The following RPS25 variants were observed in gnomAD, a reference collection of about 807,000 sequenced individuals.
RPS25 encodes small ribosomal subunit protein eS25.
In RPS25, 1 loss-of-function variant was observed where a neutral mutation model predicts 14.4. The observed-to-expected ratio is 0.07, with a 90% CI of 0.02 to 0.33. The LOEUF (loss-of-function observed/expected upper bound fraction) is 0.33, where lower values mean the gene tolerates loss of function less well. Among genes scored for constraint, RPS25 ranks in the 10% least tolerant of loss-of-function variants. The probability of loss-of-function intolerance (pLI) is 1.00; values close to 1 mark genes in which losing one functional copy is unlikely to be tolerated. For missense variants in RPS25, 65 were observed against 144.6 expected (o/e 0.45, Z 2.82); for synonymous variants, 63 against 53.8 (o/e 1.17, Z -0.75).
rs1362116569 is a variant in RPS25, at chr11:119,018,332, T to C, written c.-48A>G. 7.4e-6 allele frequency: 12 copies of C among 1,613,734 alleles called. No homozygotes were observed. In the East Asian group the frequency reaches 2.7e-4, roughly 36 times the overall value. ...CAGACACCGCAGCCTCGTCAAGATG[T>C]CGGACAAAAAGGAAGCGCTGCTCAG... is the stretch of plus-strand genomic sequence containing the variant. On this transcript the variant is annotated 5_prime_UTR_variant, in exon 1 of 5. Transcript: ENST00000527673.
rs11820851 is a variant in RPS25, at chr11:119,018,324, T to A, written c.-40A>T. The A allele has an allele frequency of 6.2e-6, 10 of 1,613,894 alleles. No individual in the cohort carries two copies. In the African/African-American group the frequency reaches 1.3e-4, roughly 22 times the overall value. On this transcript the variant is annotated 5_prime_UTR_variant, in exon 1 of 5. Coordinates refer to ENST00000527673, the MANE Select transcript of RPS25 (RefSeq NM_001028.3). ...AATAGCAGCAGACACCGCAGCCTCG[T>A]CAAGATGTCGGACAAAAAGGAAGCG...
intron 1 of RPS25, 106 bp downstream of exon 1, chr11:119,018,176 G>A: frequency 6.3e-7 from 1 of 1,585,648 alleles, no homozygotes. Flanking sequence ...AACCGCGCCC[G>A]CCCTGCAACC....
chr11:119,016,069 C>T, intron 3 of RPS25, 130 bp from the exon 4 acceptor site: 3 of 608,520 alleles, frequency 4.9e-6, no homozygotes, highest in Non-Finnish European at 9.1e-6. Context: ...GGGCAGATAG[C>T]TTGAGGTAAG....
intron 2 of RPS25, 178 bp from the exon 3 acceptor site, chr11:119,017,723 G>GC: frequency 1.4e-6 from 1 of 694,678 alleles, no homozygotes; most frequent in Non-Finnish European, 2.4e-6. Flanking sequence ...CAGGGGCCGA[G>GC]CCCCACTAGA....
At chr11:119,015,794 G>A (rs782333917) in intron 4 of RPS25, 36 bp from the exon 5 acceptor site, 4 of 1,376,348 alleles carry the variant, frequency 2.9e-6, no homozygotes, top group Non-Finnish European at 4.1e-6. Flanking sequence ...GAACCATAAA[G>A]CTTTGTATCT....
In RPS25 at chr11:119,018,303, G is replaced by C. The variant is rs201239074; in HGVS notation, c.-19C>G. The C allele has an allele frequency of 3.2e-4, 513 of 1,614,022 alleles. No homozygotes were observed. The highest frequency in any genetic ancestry group is 4.2e-4 in the Non-Finnish European group (498 of 1,180,026). Reference sequence around the variant, plus strand: ...TTACCATTGCGAAGCTCGGAGAATAGCAGCAGACACCGCAGCCTCGTCAAG... The same window carrying C: ...TTACCATTGCGAAGCTCGGAGAATACCAGCAGACACCGCAGCCTCGTCAAG... On this transcript the variant is annotated 5_prime_UTR_variant, in exon 1 of 5. Transcript: ENST00000527673.
chr11:119,015,832 C>G lies in RPS25; in HGVS notation c.*4+9G>C, dbSNP rs1943142391. ...CTCCTACACCATGAGCCCACACATT[C>G]CTACTCACCTATTCATGCATCTTCA... On this transcript the variant is annotated intron_variant, in intron 4 of 4. Transcript: ENST00000527673. 2 of 1,559,092 alleles carry G rather than the reference C, an allele frequency of 1.3e-6. No homozygotes were observed. The highest frequency in any genetic ancestry group is 1.4e-5 in the African/African-American group (1 of 73,728).
At chr11:119,017,313 T>C in intron 3 of RPS25, 49 bp downstream of exon 3, 1 of 1,397,276 alleles carries the variant, frequency 7.2e-7, no homozygotes, top group Non-Finnish European at 9.8e-7. Flanking sequence ...CTTAACATGG[T>C]CAAGACAATT....
intron 3 of RPS25, 99 bp downstream of exon 3, chr11:119,017,258 CTTTTT>C (rs368289484): frequency 4.7e-5 from 33 of 701,472 alleles, no homozygotes; most frequent in Admixed American, 1.1e-4. Flanking sequence ...TCAAGCCACG[CTTTTT>C]TTTTTTAATT....
chr11:119,015,942 A>C lies in RPS25; in HGVS notation c.284-3T>G, dbSNP rs375501027. ...CTTTGAAACCAGTTTGATAAGTCCT[A>C]GGGGGAGAGAATAGCACGATGAGAT... On this transcript the variant is annotated splice_region_variant and splice_polypyrimidine_tract_variant and intron_variant, in intron 3 of 4. Coordinates refer to ENST00000527673, the MANE Select transcript of RPS25 (RefSeq NM_001028.3). The C allele has an allele frequency of 1.2e-5, 19 of 1,565,424 alleles. No homozygotes were observed. Among genetic ancestry groups the C allele is most frequent in the Non-Finnish European group, 1.3e-5 (15 of 1,136,080 alleles).
Position 119,017,992 on chromosome 11 carries a change from G to A in RPS25, c.65C>T (p.Pro22Leu), listed in dbSNP as rs782814475. The A allele has an allele frequency of 6.2e-6, 10 of 1,612,372 alleles. No individual in the cohort carries two copies. The highest frequency in any genetic ancestry group is 2.1e-4 in the Middle Eastern group (1 of 4,668). The change falls in exon 2 of 5, where the codon CCA becomes CTA. Residue 22 changes from proline (P) to leucine (L), a missense_variant. Coordinates refer to ENST00000527673, the MANE Select transcript of RPS25 (RefSeq NM_001028.3). ...AGKSAKKDKD[P>L]VNKSGGKAKK... ...GGCCTTGCCCCCGGATTTGTTCACT[G>A]GGTCTTTGTCTTTCTTGGCCGACTT...
rs7131534 is a variant in RPS25, at chr11:119,015,946, G to A, written c.284-7C>T. The A allele has an allele frequency of 0.24, 366,158 of 1,540,332 alleles. 46,024 individuals carry two copies. Among genetic ancestry groups the A allele is most frequent in the African/African-American group, 0.43 (31,655 of 73,386 alleles). ...GAAACCAGTTTGATAAGTCCTAGGG[G>A]GAGAGAATAGCACGATGAGATGCTT... On this transcript the variant is annotated splice_region_variant and splice_polypyrimidine_tract_variant and intron_variant, in intron 3 of 4. Transcript: ENST00000527673.
chr11:119,016,710 C>G (rs1004952670), intron 3 of RPS25, among the ~76,000 whole-genome samples: 1 of 151,438 alleles, frequency 6.6e-6, no homozygotes, highest in Admixed American at 6.6e-5. Context: ...GGCTCACTGC[C>G]ACCTCCATCT....
chr11:119,018,276 G>C lies in RPS25; in HGVS notation c.3+6C>G. 1 of 1,614,116 alleles carries C rather than the reference G, an allele frequency of 6.2e-7. No homozygotes were observed. Among genetic ancestry groups the C allele is most frequent in the Non-Finnish European group, 8.5e-7 (1 of 1,179,992 alleles). On this transcript the variant is annotated splice_donor_region_variant and intron_variant, in intron 1 of 4. Transcript: ENST00000527673. ...ACGCCGGCGACTTCACACCCCTGAA[G>C]CTTACCATTGCGAAGCTCGGAGAAT...
chr11:119,015,788 C>G, intron 4 of RPS25, 30 bp from the exon 5 acceptor site: 2 of 1,365,000 alleles, frequency 1.5e-6, no homozygotes, highest in Non-Finnish European at 2.1e-6. Flanking sequence ...GAATCAGAAC[C>G]ATAAAGCTTT....
chr11:119,015,718 T>C lies in RPS25; in HGVS notation c.*45A>G. The C allele has an allele frequency of 7.7e-7, 1 of 1,290,440 alleles. No individual in the cohort carries two copies. The highest frequency in any genetic ancestry group is 1.3e-5 in the South Asian group (1 of 78,464). The allele number at this position is 1,290,440 out of a possible 1,614,324, so 79.9% of individuals were successfully genotyped here. ...AAACAGACATACTCATTCATTTGATTTAATAAAGTTTTATTTTTCCAAATG... is the reference window on the plus strand; with the variant it reads ...AAACAGACATACTCATTCATTTGATCTAATAAAGTTTTATTTTTCCAAATG... On this transcript the variant is annotated 3_prime_UTR_variant, in exon 5 of 5. Transcript: ENST00000527673.
At chr11:119,018,160 A>G in intron 1 of RPS25, 107 bp from the exon 2 acceptor site, 13 of 1,573,334 alleles carry the variant, frequency 8.3e-6, no homozygotes, top group Non-Finnish European at 1.1e-5. Context: ...ACATGGGCCA[A>G]GCAATAACCG....
At position 119,017,943 on chromosome 11, in the gene RPS25, A is replaced by G. The variant is rs377330325; in HGVS notation, c.99+15T>C. ...GAGTTACCCCTAGTCTCTTTCAGAG[A>G]GGTCTTATTTCTACCTTCTTTTTGG... On this transcript the variant is annotated intron_variant, in intron 2 of 4. Transcript: ENST00000527673. The G allele has an allele frequency of 1.3e-6, 2 of 1,596,034 alleles. No homozygotes were observed. Among genetic ancestry groups the G allele is most frequent in the Non-Finnish European group, 1.7e-6 (2 of 1,164,616 alleles).
intron 2 of RPS25, 32 bp from the exon 3 acceptor site, chr11:119,017,577 G>C (rs782505978): frequency 1.6e-5 from 25 of 1,591,200 alleles, no homozygotes; most frequent in Non-Finnish European, 2.0e-5. Flanking sequence ...AAACAAGTTA[G>C]TATTTCTGGC....
Sources: allele counts gnomAD v4.1 joint callset (sites outside exome capture counted in the v4.1 genomes callset), GRCh38; gene constraint gnomAD v4.1.1; transcripts MANE v1.5; gene names NCBI Gene and HGNC (gene_info 2026-07-23, HGNC 2026-07-21).